Variants in SLC24A5 observed in about 807,000 individuals in gnomAD.
SLC24A5 encodes sodium/potassium/calcium exchanger 5.
SLC24A5 carries 46 observed loss-of-function variants against 51.6 expected under a neutral mutation model. The observed-to-expected ratio is 0.89, with a 90% CI of 0.70 to 1.14. SLC24A5 has a LOEUF of 1.14. Among genes scored for constraint, SLC24A5 ranks in the 50% most tolerant of loss-of-function variants. The pLI is 0.00. For missense variants in SLC24A5, 581 were observed against 604.1 expected (o/e 0.96, Z 0.40); for synonymous variants, 230 against 214.9 (o/e 1.07, Z -0.62).
intron 2 of SLC24A5, chr15:48,124,583 T>C (rs1234217134): frequency 2.6e-5 from 4 of 152,160 alleles, no homozygotes; most frequent in African/African-American, 9.6e-5. Context: ...AATTTTATTA[T>C]AAAAATTATC....
At chr15:48,136,533 A>G in intron 5 of SLC24A5, 150 bp from the exon 6 acceptor site, 1 of 686,376 alleles carries the variant, frequency 1.5e-6, no homozygotes, top group South Asian at 2.5e-5. Flanking sequence ...TCAAGTCTGG[A>G]CAAATCTACA....
In SLC24A5 at chr15:48,142,403, G is replaced by C; in HGVS notation, c.*52G>C. The C allele has an allele frequency of 4.9e-6, 6 of 1,225,728 alleles. No homozygotes were observed. The highest frequency in any genetic ancestry group is 6.7e-6 in the Non-Finnish European group (6 of 899,578). 75.9% of individuals were successfully genotyped at this position (1,225,728 alleles called of 1,614,324 possible). On this transcript the variant is annotated 3_prime_UTR_variant, in exon 9 of 9. Coordinates refer to ENST00000341459, the MANE Select transcript of SLC24A5 (RefSeq NM_205850.3). ...TATGAATGGCAGGGAGGGGCAGAGA[G>C]AAAAATCCATTTCTTCATTTAAATC...
intron 2 of SLC24A5, among the ~76,000 whole-genome samples, chr15:48,127,006 C>A (rs1212695328): frequency 1.6e-4 from 25 of 152,154 alleles, no homozygotes. Context: ...TGCTCTAGTG[C>A]CACACTCTTA....
intron 2 of SLC24A5, among the ~76,000 whole-genome samples, chr15:48,126,554 A>G (rs1361020051): frequency 1.3e-5 from 2 of 152,212 alleles, no homozygotes; most frequent in Non-Finnish European, 2.9e-5. Context: ...AGATGTGATC[A>G]GAAGAGGAGC....
intron 1 of SLC24A5, among the ~76,000 whole-genome samples, chr15:48,121,468 C>A (rs779676933): frequency 1.8e-4 from 28 of 152,152 alleles, no homozygotes; most frequent in Admixed American, 3.9e-4. Flanking sequence ...TGGATGGATT[C>A]TTTGCAGGCC....
chr15:48,131,224 T>C (rs997954097), intron 2 of SLC24A5, among the ~76,000 whole-genome samples: 9 of 152,282 alleles, frequency 5.9e-5, no homozygotes, highest in Admixed American at 5.2e-4. Context: ...AATAAGAATA[T>C]AGTATATATG....
At chr15:48,134,637 G>A in intron 4 of SLC24A5, 99 bp downstream of exon 4, 1 of 874,502 alleles carries the variant, frequency 1.1e-6, no homozygotes, top group Non-Finnish European at 1.8e-6. Flanking sequence ...AATAATATGT[G>A]CAATCAAATT....
intron 6 of SLC24A5, chr15:48,138,673 C>A (rs534325398): frequency 2.3e-4 from 60 of 260,560 alleles, no homozygotes; most frequent in Middle Eastern, 1.3e-3. Context: ...AGGAGATGTC[C>A]AATTGACACT....
At chr15:48,135,023 T>G (rs1372446293) in intron 5 of SLC24A5, 39 bp downstream of exon 5, 1 of 1,506,058 alleles carries the variant, frequency 6.6e-7, no homozygotes, top group Non-Finnish European at 9.2e-7. Context: ...AATTAGAGAT[T>G]TTATGAATTT....
chr15:48,134,792 A>G, intron 4 of SLC24A5, 92 bp from the exon 5 acceptor site: 1 of 1,020,890 alleles, frequency 9.8e-7, no homozygotes, highest in South Asian at 1.6e-5. Flanking sequence ...ACAATATTTA[A>G]CTACAAATAT....
At chr15:48,125,065 A>G (rs2038716859) in intron 2 of SLC24A5, among the ~76,000 whole-genome samples, 1 of 152,154 alleles carries the variant, frequency 6.6e-6, no homozygotes, top group African/African-American at 2.4e-5. Context: ...ACGGGCTTCA[A>G]AAGTCTGCAA....
intron 2 of SLC24A5, among the ~76,000 whole-genome samples, chr15:48,129,594 A>G (rs1228453511): frequency 6.6e-6 from 1 of 152,128 alleles, no homozygotes; most frequent in Non-Finnish European, 1.5e-5. Flanking sequence ...TAACTATATT[A>G]AAATGTGCAT....
chr15:48,122,402 A>G (rs970372302), intron 2 of SLC24A5: 2 of 360,152 alleles, frequency 5.6e-6, no homozygotes, highest in Non-Finnish European at 9.9e-6. Flanking sequence ...TTATGCTTCA[A>G]AAAACTTTTT....
rs753108233 is a variant in SLC24A5 at position 48,136,812 on chromosome 15, G to C, written c.720G>C (p.Glu240Asp). The C allele has an allele frequency of 1.9e-6, 3 of 1,613,698 alleles. No individual in the cohort carries two copies. The highest frequency in any genetic ancestry group is 1.7e-6 in the Non-Finnish European group (2 of 1,179,852). The change falls in exon 6 of 9, where the codon GAG (glutamate) becomes GAC (aspartate). Residue 240 changes from glutamate to aspartate, a missense_variant. Physicochemically the swap from Glu to Asp is conservative, Grantham distance 45. Transcript: ENST00000341459. ...PCCACLAKAM[E>D]RSEQQPLMGW... ...GCGCCTGTCTTGCCAAAGCTATGGA[G>C]AGAAGTGAACAACAGCCACTGATGG...
Position 48,134,699 on chromosome 15 carries a change from T to C in SLC24A5, c.489+161T>C, listed in dbSNP as rs1254918568. On this transcript the variant is annotated intron_variant, in intron 4 of 8. Transcript: ENST00000341459. The stretch of plus-strand genomic sequence containing the variant: ...ATTCAATTTAATGTTAATCCACAAA[T>C]AGCTCTTGGTCAGATTTATGAAAGT... The C allele has an allele frequency of 1.3e-5, 9 of 717,058 alleles. No individual in the cohort carries two copies. The Middle Eastern group carries it at 1.2e-3, about 95-fold the overall frequency. 44.4% of individuals were successfully genotyped at this position (717,058 alleles called of 1,614,324 possible).
At chr15:48,135,622 G>T (rs149744177) in intron 5 of SLC24A5, 1 of 151,806 alleles carries the variant, frequency 6.6e-6, no homozygotes, top group Non-Finnish European at 1.5e-5. Context: ...TTCTCACTAT[G>T]CTAGATATCA....
chr15:48,138,277 T>G (rs1304898881), intron 6 of SLC24A5: 1 of 152,052 alleles, frequency 6.6e-6, no homozygotes, highest in Non-Finnish European at 1.5e-5. Flanking sequence ...TGAACATTTT[T>G]GAATTCGAAT....
chr15:48,132,365 A>G (rs1021706004), intron 2 of SLC24A5, among the ~76,000 whole-genome samples: 1 of 151,926 alleles, frequency 6.6e-6, no homozygotes, highest in Non-Finnish European at 1.5e-5. Flanking sequence ...CTTGCAACTT[A>G]TCTCTAACAT....
chr15:48,129,839 A>C (rs936817309), intron 2 of SLC24A5, among the ~76,000 whole-genome samples: 2 of 152,106 alleles, frequency 1.3e-5, no homozygotes, highest in African/African-American at 4.8e-5. Context: ...AATACCTTAA[A>C]GATTGTGTGG....
Sources: allele counts gnomAD v4.1 joint callset (sites outside exome capture counted in the v4.1 genomes callset), GRCh38; gene constraint gnomAD v4.1.1; transcripts MANE v1.5; gene names NCBI Gene and HGNC (gene_info 2026-07-23, HGNC 2026-07-21).